The following SLC35F3 variants were observed in gnomAD, a reference collection of about 807,000 sequenced individuals.
The protein encoded by SLC35F3 is solute carrier family 35 member F3, also known as putative thiamine transporter SLC35F3.
A neutral mutation model predicts 49.9 loss-of-function variants in SLC35F3; 25 were observed. The observed-to-expected ratio is 0.50, with a 90% confidence interval of 0.37 to 0.70. The LOEUF (loss-of-function observed/expected upper bound fraction) is 0.70, where lower values mean the gene tolerates loss of function less well. SLC35F3 is among the 30% of genes least tolerant of loss of function. SLC35F3 has a pLI of 0.00. For missense variants in SLC35F3, 525 were observed against 639.8 expected (o/e 0.82, Z 1.94); for synonymous variants, 275 against 265.4 (o/e 1.04, Z -0.35).
intron 2 of SLC35F3, among the ~76,000 whole-genome samples, chr1:234,162,109 C>T (rs1666236973): frequency 6.6e-6 from 1 of 152,034 alleles, no homozygotes; most frequent in South Asian, 2.1e-4. Flanking sequence ...TGGGAGAAAA[C>T]CCATAAGTTC....
intron 2 of SLC35F3, among the ~76,000 whole-genome samples, chr1:234,102,347 G>A (rs1032901349): frequency 4.6e-5 from 7 of 152,124 alleles, no homozygotes; most frequent in African/African-American, 1.4e-4. Flanking sequence ...GTGTGTGTGT[G>A]TTTGTGTGTG....
chr1:234,090,059 A>G (rs1481230762), intron 2 of SLC35F3, among the ~76,000 whole-genome samples: 3 of 152,256 alleles, frequency 2.0e-5, no homozygotes, highest in African/African-American at 4.8e-5. Flanking sequence ...ATACCAAGCA[A>G]TGATAAATTT....
chr1:233,969,145 C>T (rs1214920189), intron 2 of SLC35F3, among the ~76,000 whole-genome samples: 1 of 152,082 alleles, frequency 6.6e-6, no homozygotes, highest in Admixed American at 6.5e-5. Flanking sequence ...CTAATTTTTC[C>T]TCCTTTTTTG....
In SLC35F3 at chr1:234,214,279, G is replaced by T. The variant is rs1405224627; in HGVS notation, c.284-17138G>T. On this transcript the variant is annotated intron_variant, in intron 2 of 7. Transcript: ENST00000366618. This position sits in a 1 kb window ranked among gnomAD's most constrained non-coding sequence, Gnocchi z 8.0. Reference sequence around the variant, plus strand: ...GCGCGTGTGTGTGGAGTGGCTGCGCGGCCGGGGAGGATGTGCGCTGCAGGG... The same window carrying T: ...GCGCGTGTGTGTGGAGTGGCTGCGCTGCCGGGGAGGATGTGCGCTGCAGGG... 1 of 1,272,066 alleles carries T rather than the reference G, an allele frequency of 7.9e-7. No individual in the cohort carries two copies. Among genetic ancestry groups the T allele is most frequent in the South Asian group, 2.7e-5 (1 of 36,972 alleles). The allele number at this position is 1,272,066 out of a possible 1,614,324, so 78.8% of individuals were successfully genotyped here.
intron 2 of SLC35F3, among the ~76,000 whole-genome samples, chr1:234,180,327 A>T (rs888618179): frequency 3.9e-5 from 6 of 152,176 alleles, no homozygotes; most frequent in African/African-American, 1.2e-4. Context: ...AGCTTACTGA[A>T]ATAGGGACAG....
intron 2 of SLC35F3, among the ~76,000 whole-genome samples, chr1:233,924,072 C>T (rs1021105088): frequency 2.6e-5 from 4 of 152,112 alleles, no homozygotes; most frequent in Non-Finnish European, 5.9e-5. Context: ...ATTTTTGCAT[C>T]GTTGTTCATC....
rs2102941787 is a variant in SLC35F3 at position 234,214,648 on chromosome 1, T to C, written c.284-16769T>C. On this transcript the variant is annotated intron_variant, in intron 2 of 7. Coordinates refer to ENST00000366618, the MANE Select transcript of SLC35F3 (RefSeq NM_173508.4). This position sits in a 1 kb window ranked among gnomAD's most constrained non-coding sequence, Gnocchi z 8.0. ...AATGCTGCCACCCTGAGGGGGGCTG[T>C]CTGGCTGCGGGGCGCCGGGGCTGGG... 6.8e-7 allele frequency: 1 copy of C among 1,468,978 alleles called. No individual in the cohort carries two copies. The highest frequency in any genetic ancestry group is 9.1e-7 in the Non-Finnish European group (1 of 1,104,192). 91.0% of individuals were successfully genotyped at this position (1,468,978 alleles called of 1,614,324 possible).
chr1:233,945,531 G>A (rs1372825628), intron 2 of SLC35F3, among the ~76,000 whole-genome samples: 1 of 152,168 alleles, frequency 6.6e-6, no homozygotes, highest in Non-Finnish European at 1.5e-5. Context: ...TCTGGAAAAG[G>A]TTCCTATGAT....
intron 2 of SLC35F3, among the ~76,000 whole-genome samples, chr1:233,930,963 A>G (rs984596504): frequency 6.6e-6 from 1 of 152,174 alleles, no homozygotes; most frequent in Non-Finnish European, 1.5e-5. Context: ...GGAACAGAAC[A>G]GAGGCCTCAG....
At chr1:234,187,681 T>A (rs1666665454) in intron 2 of SLC35F3, among the ~76,000 whole-genome samples, 1 of 152,108 alleles carries the variant, frequency 6.6e-6, no homozygotes, top group Admixed American at 6.5e-5. Context: ...GGAGAAGGAT[T>A]TGAGCTGAGA....
At chr1:234,188,347 G>C (rs1043591888) in intron 2 of SLC35F3, among the ~76,000 whole-genome samples, 6 of 152,128 alleles carry the variant, frequency 3.9e-5, no homozygotes, top group African/African-American at 1.4e-4. Context: ...GTGCTGGTGA[G>C]GTGGGGGGCA....
chr1:234,128,722 C>T lies in SLC35F3; in HGVS notation c.284-102695C>T, dbSNP rs570646590. ...TTATGTCCAGGGAATTATAGTAGTT[C>T]CTTGGTGCTATGATGTAGGATCTGT... On this transcript the variant is annotated intron_variant, in intron 2 of 7. Coordinates refer to ENST00000366618, the MANE Select transcript of SLC35F3 (RefSeq NM_173508.4). Among the ~76,000 whole-genome samples, 42 of 152,250 alleles carry T rather than the reference C, an allele frequency of 2.8e-4. No homozygotes were observed. The South Asian group carries it at 8.7e-3, about 32-fold the overall frequency.
intron 2 of SLC35F3, among the ~76,000 whole-genome samples, chr1:234,104,346 G>A (rs758760831): frequency 2.3e-4 from 35 of 152,222 alleles, no homozygotes; most frequent in Admixed American, 1.1e-3. Flanking sequence ...AATATAGGTA[G>A]CAAGGTATAA....
intron 3 of SLC35F3, among the ~76,000 whole-genome samples, chr1:234,281,165 C>T (rs1275231682): frequency 6.6e-6 from 1 of 151,962 alleles, no homozygotes; most frequent in Non-Finnish European, 1.5e-5. Flanking sequence ...TAGGTCTTTA[C>T]AGAAGTAATT....
chr1:234,108,776 TTATA>T (rs944430107), intron 2 of SLC35F3, among the ~76,000 whole-genome samples: 5 of 88,224 alleles, frequency 5.7e-5, no homozygotes, highest in African/African-American at 1.6e-4. Context: ...TATATATCTT[TTATA>T]TATAAAAGAT....
intron 2 of SLC35F3, among the ~76,000 whole-genome samples, chr1:234,199,811 C>T (rs1182190632): frequency 2.6e-5 from 4 of 151,894 alleles, no homozygotes; most frequent in Admixed American, 1.3e-4. Flanking sequence ...ACAAATAATC[C>T]AATTAAAAAA....
intron 2 of SLC35F3, among the ~76,000 whole-genome samples, chr1:234,085,641 T>G (rs1462545828): frequency 2.0e-5 from 3 of 152,176 alleles, no homozygotes; most frequent in Non-Finnish European, 4.4e-5. Flanking sequence ...GATATAAAGG[T>G]CATAAACCTT....
At chr1:234,143,847 A>G (rs956010915) in intron 2 of SLC35F3, among the ~76,000 whole-genome samples, 4 of 152,170 alleles carry the variant, frequency 2.6e-5, no homozygotes, top group Admixed American at 2.6e-4. Context: ...CATTGCTATG[A>G]GTTGCTGACT....
At position 234,206,501 on chromosome 1, in the gene SLC35F3, G is replaced by T. The variant is rs147474826; in HGVS notation, c.284-24916G>T. On this transcript the variant is annotated intron_variant, in intron 2 of 7. Coordinates refer to ENST00000366618, the MANE Select transcript of SLC35F3 (RefSeq NM_173508.4). ...ATTTCCAAGGGACGCTATTTCCCGG[G>T]GGGGGGCTATTTCCAGGGCTCACAT... is the stretch of plus-strand genomic sequence containing the variant. Among the ~76,000 whole-genome samples the T allele has an allele frequency of 4.6e-3, 622 of 135,866 alleles. 5 individuals carry two copies. Among genetic ancestry groups the T allele is most frequent in the African/African-American group, 0.016 (596 of 37,886 alleles). The allele number at this position is 135,866 out of a possible 152,430, so 89.1% of individuals were successfully genotyped here.
Sources: gnomAD v4.1 joint callset for allele counts (sites outside exome capture counted in the v4.1 genomes callset) on GRCh38, gnomAD v4.1.1 for gene constraint, Gnocchi (gnomAD v3.1) non-coding constraint, MANE v1.5 for transcripts, NCBI Gene and HGNC (gene_info 2026-07-23, HGNC 2026-07-21) for gene names.